Variants in NEK11 observed in about 807,000 individuals in gnomAD.
NEK11 encodes the protein NIMA related kinase 11, also known as serine/threonine-protein kinase Nek11.
A neutral mutation model predicts 80.7 loss-of-function variants in NEK11; 72 were observed. That is an observed-to-expected ratio of 0.89 (90% CI 0.74 to 1.08). The LOEUF is 1.08. Ranked by LOEUF, NEK11 falls within the 50% of genes least tolerant of loss-of-function variation. The pLI is 0.00. For missense variants in NEK11, 764 were observed against 763.6 expected, an observed-to-expected ratio of 1.00 and a Z score of -0.01; for synonymous variants, 251 against 260.7, an observed-to-expected ratio of 0.96 and a Z score of 0.36.
At chr3:131,273,030 A>T (rs1411875083) in intron 16 of NEK11, among the ~76,000 whole-genome samples, 1 of 152,188 alleles carries the variant, frequency 6.6e-6, no homozygotes. Flanking sequence ...TCCATTGCAA[A>T]AAAAGCTAAT....
chr3:131,100,150 G>C (rs1284651411), intron 4 of NEK11, among the ~76,000 whole-genome samples: 1 of 152,168 alleles, frequency 6.6e-6, no homozygotes, highest in Non-Finnish European at 1.5e-5. Flanking sequence ...CTGGTCTGTT[G>C]AGGGTTTTTA....
chr3:131,272,216 A>T (rs2096203665), intron 16 of NEK11, among the ~76,000 whole-genome samples: 1 of 152,186 alleles, frequency 6.6e-6, no homozygotes. Context: ...TTGAGAAAAG[A>T]ATGGGAATTT....
intron 14 of NEK11, among the ~76,000 whole-genome samples, chr3:131,186,525 G>GC (rs2093608513): frequency 6.6e-6 from 1 of 152,160 alleles, no homozygotes; most frequent in Non-Finnish European, 1.5e-5. Flanking sequence ...TCCTGTTGGT[G>GC]CATCAGGGAT....
chr3:131,241,914 T>C (rs2095525473), intron 15 of NEK11, among the ~76,000 whole-genome samples: 1 of 152,146 alleles, frequency 6.6e-6, no homozygotes, highest in South Asian at 2.1e-4. Context: ...TAATTTTCTA[T>C]ATTTTCCAGA....
intron 4 of NEK11, among the ~76,000 whole-genome samples, chr3:131,101,635 T>C (rs1578269701): frequency 6.6e-6 from 1 of 152,244 alleles, no homozygotes; most frequent in Non-Finnish European, 1.5e-5. Flanking sequence ...TGAGACTTGC[T>C]TTATGACCAA....
chr3:131,146,083 A>G (rs986622812), intron 7 of NEK11, among the ~76,000 whole-genome samples: 1 of 152,048 alleles, frequency 6.6e-6, no homozygotes, highest in Admixed American at 6.6e-5. Context: ...TTGTTGTTAC[A>G]GCCCTTCCGA....
intron 16 of NEK11, among the ~76,000 whole-genome samples, chr3:131,245,499 T>G (rs1240881960): frequency 6.6e-6 from 1 of 152,148 alleles, no homozygotes; most frequent in Non-Finnish European, 1.5e-5. Flanking sequence ...TGAATGGTAG[T>G]TCTTTGAGCA....
chr3:131,349,707 G>A lies in NEK11; in HGVS notation c.1869G>A (p.Gln623=), dbSNP rs778899744. 18 of 1,614,102 alleles carry A rather than the reference G, an allele frequency of 1.1e-5. No homozygotes were observed. The highest frequency in any genetic ancestry group is 1.4e-5 in the Non-Finnish European group (17 of 1,180,042). ...CCAGCGACTGTTTTGAAGTGGACCA[G>A]CTCCTGTACTTTGAAGAGCAGTTGC... ...PQASDCFEVD[Q]LLYFEEQLLI... Residue 623 remains glutamine (Q), a synonymous_variant, in exon 18 of 18, where the codon CAG becomes CAA. Coordinates refer to ENST00000383366, the MANE Select transcript of NEK11 (RefSeq NM_024800.5).
chr3:131,136,957 A>T (rs1238221039), intron 7 of NEK11, among the ~76,000 whole-genome samples: 1 of 152,248 alleles, frequency 6.6e-6, no homozygotes, highest in Admixed American at 6.5e-5. Context: ...ATTAGACAGA[A>T]AGAAAACAAT....
chr3:131,317,011 G>T (rs1335522723), intron 17 of NEK11, among the ~76,000 whole-genome samples: 1 of 152,212 alleles, frequency 6.6e-6, no homozygotes, highest in Admixed American at 6.5e-5. Context: ...TCAAATGAAA[G>T]TTGAGATGCT....
At chr3:131,049,811 G>A (rs1471290044) in intron 3 of NEK11, among the ~76,000 whole-genome samples, 1 of 151,952 alleles carries the variant, frequency 6.6e-6, no homozygotes. Context: ...ATCTTCTGAG[G>A]ATTTTTTTGT....
chr3:131,099,416 T>G (rs527468019), intron 4 of NEK11, among the ~76,000 whole-genome samples: 1 of 152,372 alleles, frequency 6.6e-6, no homozygotes, highest in African/African-American at 2.4e-5. Flanking sequence ...CCTCCAGCTT[T>G]GTTCTTTTCC....
At position 131,104,484 on chromosome 3, in the gene NEK11, C is replaced by T. The variant is rs79066068; in HGVS notation, c.337-5319C>T. ...AGCCTGAGGACAGCAGGGGCAGGGG[C>T]TGTAGCAGTGGCAATTGCAGCAGGC... On this transcript the variant is annotated intron_variant, in intron 4 of 17. Transcript: ENST00000383366. 5.1e-3 allele frequency among the ~76,000 whole-genome samples: 773 copies of T among 152,218 alleles called. 6 individuals are homozygous for T. Among genetic ancestry groups the T allele is most frequent in the African/African-American group, 0.017 (705 of 41,540 alleles).
At chr3:131,339,091 G>T (rs2097245556) in intron 17 of NEK11, among the ~76,000 whole-genome samples, 1 of 152,016 alleles carries the variant, frequency 6.6e-6, no homozygotes, top group African/African-American at 2.4e-5. Context: ...TGAAAAACAA[G>T]TTTTCTTCTA....
chr3:131,154,564 T>C (rs1048379328), intron 9 of NEK11, among the ~76,000 whole-genome samples: 1 of 152,224 alleles, frequency 6.6e-6, no homozygotes, highest in Non-Finnish European at 1.5e-5. Context: ...GTATTCTTTA[T>C]AGTTTTTTGA....
At chr3:131,132,888 G>A (rs1578831030) in intron 6 of NEK11, 79 bp downstream of exon 6, 1 of 643,690 alleles carries the variant, frequency 1.6e-6, no homozygotes, top group East Asian at 3.1e-5. Flanking sequence ...TGAAGTAAAT[G>A]GTACGTGGAA....
chr3:131,298,274 A>G (rs912458180), intron 17 of NEK11, among the ~76,000 whole-genome samples: 6 of 151,972 alleles, frequency 3.9e-5, no homozygotes, highest in Admixed American at 3.3e-4. Context: ...CATTTTCACG[A>G]TATTGATTCT....
chr3:131,168,773 A>T, intron 12 of NEK11, 57 bp from the exon 13 acceptor site: 1 of 1,284,522 alleles, frequency 7.8e-7, no homozygotes, highest in Non-Finnish European at 1.1e-6. Flanking sequence ...CTTCACCTCT[A>T]GATGAAGAAA....
At chr3:131,332,561 T>C (rs550615726) in intron 17 of NEK11, among the ~76,000 whole-genome samples, 93 of 152,156 alleles carry the variant, frequency 6.1e-4, no homozygotes, top group African/African-American at 2.0e-3. Context: ...ACAGAGCGCC[T>C]CTCCTCCTCC....
Sources: gnomAD v4.1 joint callset for allele counts (sites outside exome capture counted in the v4.1 genomes callset) on GRCh38, gnomAD v4.1.1 for gene constraint, MANE v1.5 for transcripts, NCBI Gene and HGNC (gene_info 2026-07-23, HGNC 2026-07-21) for gene names.